SHANK2: variants seen among roughly 807,000 people sequenced by gnomAD.
The protein encoded by SHANK2 is SH3 and multiple ankyrin repeat domains 2.
SHANK2 carries 43 observed loss-of-function variants against 133.7 expected under a neutral mutation model. The observed-to-expected ratio is 0.32, with a 90% CI of 0.25 to 0.41. SHANK2 has a LOEUF of 0.41. SHANK2 is among the 10% of genes least tolerant of loss of function. SHANK2 has a pLI of 1.00. For synonymous variants in SHANK2, 1,017 were observed against 952.8 expected (o/e 1.07, Z -1.24); for missense variants, 1,994 against 2,235.8 (o/e 0.89, Z 2.18).
At chr11:70,731,437 C>A (rs1555032168) in intron 14 of SHANK2, among the ~76,000 whole-genome samples, 1 of 152,252 alleles carries the variant, frequency 6.6e-6, no homozygotes. Context: ...CTGGCAACCA[C>A]TCATCTACTT....
chr11:71,222,034 C>T (rs1954551562), intron 2 of SHANK2, among the ~76,000 whole-genome samples: 1 of 152,046 alleles, frequency 6.6e-6, no homozygotes, highest in Non-Finnish European at 1.5e-5. Flanking sequence ...TGAGCATGGC[C>T]GGGTTGGTGA....
intron 1 of SHANK2, among the ~76,000 whole-genome samples, chr11:71,248,341 A>G (rs1555125315): frequency 2.0e-5 from 3 of 152,256 alleles, no homozygotes; most frequent in Non-Finnish European, 4.4e-5. Flanking sequence ...TGCTGACCGC[A>G]GCGCGATTTC....
intron 10 of SHANK2, among the ~76,000 whole-genome samples, chr11:70,898,905 T>C (rs1429700915): frequency 6.6e-6 from 1 of 152,042 alleles, no homozygotes; most frequent in Non-Finnish European, 1.5e-5. Flanking sequence ...GAATGGAAGG[T>C]GATGGAGATA....
intron 6 of SHANK2, among the ~76,000 whole-genome samples, chr11:71,102,373 G>C (rs117372163): frequency 0.014 from 2,118 of 152,158 alleles, 58 homozygotes; most frequent in East Asian, 0.086. Context: ...TTGACAGGTC[G>C]TTCCACTGGG....
rs1195311167 is a variant in SHANK2, at chr11:70,702,547, TCAC to T, written c.1778-3787_1778-3785del. On this transcript the variant is annotated intron_variant, in intron 14 of 25. Transcript: ENST00000601538. The stretch of plus-strand genomic sequence containing the variant: ...TTCACCAGCATCATCACTAGCGTCA[TCAC>T]CACCATCATCAACCACTATGACCGC... 3.3e-5 allele frequency among the ~76,000 whole-genome samples: 5 copies of T among 152,154 alleles called. 1 individual carries two copies. Among genetic ancestry groups the T allele is most frequent in the Admixed American group, 6.5e-5 (1 of 15,288 alleles).
chr11:70,505,659 G>A (rs1010750567), intron 17 of SHANK2, among the ~76,000 whole-genome samples: 8 of 152,326 alleles, frequency 5.3e-5, no homozygotes, highest in Middle Eastern at 3.4e-3. Flanking sequence ...CCTGCCACCC[G>A]CTGTGGGGCA....
Position 70,473,074 on chromosome 11 carries a change from G to C in SHANK2, c.5345C>G (p.Pro1782Arg). 6.2e-7 allele frequency: 1 copy of C among 1,614,258 alleles called. No individual in the cohort carries two copies. Among genetic ancestry groups the C allele is most frequent in the Non-Finnish European group, 8.5e-7 (1 of 1,180,048 alleles). ...ATCTGGTTTAGTCCACAGGTGGACA[G>C]GTTTAGTTGTAAAAGGCTTATTTGA... ...PISNKPFTTK[P>R]VHLWTKPDVA... The change falls in exon 26 of 26, where the codon CCT becomes CGT. Residue 1782 changes from proline to arginine, a missense_variant. Around this residue, in one of 5 missense-constraint regions of SHANK2, gnomAD observed 797 missense variants for 907.4 expected, o/e 0.88. Coordinates refer to ENST00000601538, the MANE Select transcript of SHANK2 (RefSeq NM_012309.5). This position sits in a 1 kb window ranked among gnomAD's most constrained non-coding sequence, Gnocchi z 5.9.
At chr11:70,758,507 T>C (rs1555039477) in intron 14 of SHANK2, among the ~76,000 whole-genome samples, 1 of 152,156 alleles carries the variant, frequency 6.6e-6, no homozygotes, top group Non-Finnish European at 1.5e-5. Context: ...GTGCCTGGGG[T>C]TGGTCCTAAT....
intron 11 of SHANK2, among the ~76,000 whole-genome samples, chr11:70,849,565 CTT>C (rs368037756): frequency 3.0e-4 from 45 of 152,174 alleles, no homozygotes; most frequent in African/African-American, 1.0e-3. Flanking sequence ...AGTGCCTACC[CTT>C]TGTCAAATGA....
At chr11:71,203,084 T>C (rs1317720906) in intron 2 of SHANK2, among the ~76,000 whole-genome samples, 2 of 152,158 alleles carry the variant, frequency 1.3e-5, no homozygotes, top group Non-Finnish European at 2.9e-5. Context: ...CCTGTGGGGT[T>C]CCAGTGATCT....
intron 2 of SHANK2, among the ~76,000 whole-genome samples, chr11:71,151,905 C>T (rs1303969804): frequency 2.0e-5 from 3 of 152,096 alleles, no homozygotes; most frequent in East Asian, 1.9e-4. Context: ...GGCTCCCGAT[C>T]GCAGACGCCC....
chr11:70,602,573 C>T (rs782517919), intron 17 of SHANK2, among the ~76,000 whole-genome samples: 6 of 152,204 alleles, frequency 3.9e-5, no homozygotes, highest in Non-Finnish European at 5.9e-5. Context: ...CCCACCTCCA[C>T]GAGGCTCTGG....
chr11:70,787,288 G>A (rs1240823532), intron 14 of SHANK2, among the ~76,000 whole-genome samples: 1 of 72,936 alleles, frequency 1.4e-5, no homozygotes, highest in Non-Finnish European at 2.9e-5. Context: ...TCATCACCAT[G>A]ACCACCACCA....
intron 14 of SHANK2, among the ~76,000 whole-genome samples, chr11:70,721,812 G>A (rs1476366755): frequency 1.3e-5 from 2 of 152,214 alleles, no homozygotes; most frequent in East Asian, 1.9e-4. Context: ...AACTCTTTTC[G>A]CAAGAAGCAC....
At position 70,873,333 on chromosome 11, in the gene SHANK2, T is replaced by C. The variant is rs184053327; in HGVS notation, c.1174+23168A>G. On this transcript the variant is annotated intron_variant, in intron 11 of 25. Transcript: ENST00000601538. ...CTGACAAGGTCGAGACTTGCAGGGCTTCCAGGAATCACACCCATTCATGAG... is the reference window on the plus strand; with the variant it reads ...CTGACAAGGTCGAGACTTGCAGGGCCTCCAGGAATCACACCCATTCATGAG... Among the ~76,000 whole-genome samples, 703 of 152,330 alleles carry C rather than the reference T, an allele frequency of 4.6e-3. 5 individuals carry two copies. The highest frequency in any genetic ancestry group is 0.016 in the African/African-American group (665 of 41,574).
intron 15 of SHANK2, among the ~76,000 whole-genome samples, chr11:70,670,386 G>C (rs957913889): frequency 2.0e-5 from 3 of 152,222 alleles, no homozygotes; most frequent in African/African-American, 7.2e-5. Context: ...AGTTACGTGG[G>C]GGGTGTTGAG....
chr11:70,542,045 G>T (rs931780123), intron 17 of SHANK2, among the ~76,000 whole-genome samples: 1 of 152,238 alleles, frequency 6.6e-6, no homozygotes, highest in Non-Finnish European at 1.5e-5. Flanking sequence ...TGAGTGCCCA[G>T]TAGTGCCTGG....
intron 3 of SHANK2, among the ~76,000 whole-genome samples, chr11:71,126,407 G>A (rs78286073): frequency 0.015 from 2,254 of 152,220 alleles, 56 homozygotes; most frequent in African/African-American, 0.051. Context: ...CCTTGACAAT[G>A]TACCTGGTCA....
intron 10 of SHANK2, among the ~76,000 whole-genome samples, chr11:70,954,448 A>G (rs1950888813): frequency 6.6e-6 from 1 of 152,184 alleles, no homozygotes; most frequent in South Asian, 2.1e-4. Context: ...GGCATGAGAA[A>G]ATGTACTCAT....
Sources: gnomAD v4.1 joint callset for allele counts (sites outside exome capture counted in the v4.1 genomes callset) on GRCh38, gnomAD v4.1.1 for gene constraint, gnomAD v4.1.1 regional missense constraint, Gnocchi (gnomAD v3.1) non-coding constraint, MANE v1.5 for transcripts, NCBI Gene and HGNC (gene_info 2026-07-23, HGNC 2026-07-21) for gene names.